TCTN2: variants seen among roughly 807,000 people sequenced by gnomAD.
TCTN2 encodes tectonic family member 2.
In TCTN2, 66 loss-of-function variants were observed where a neutral mutation model predicts 83.4. The observed-to-expected ratio is 0.79, with a 90% CI of 0.65 to 0.97. TCTN2 has a LOEUF of 0.97. Ranked by LOEUF, TCTN2 falls within the 50% of genes least tolerant of loss-of-function variation. TCTN2 has a pLI of 0.00. For synonymous variants in TCTN2, 301 were observed against 326.7 expected (o/e 0.92, Z 0.85); for missense variants, 794 against 858.1 (o/e 0.93, Z 0.93).
rs147228052 is a variant in TCTN2, at chr12:123,699,052, C to T, written c.1506-652C>T. Among the ~76,000 whole-genome samples, 1,035 of 152,186 alleles carry T rather than the reference C, an allele frequency of 6.8e-3. 17 individuals are homozygous for T. Among genetic ancestry groups the T allele is most frequent in the Admixed American group, 0.016 (251 of 15,260 alleles). On this transcript the variant is annotated intron_variant, in intron 13 of 17. Coordinates refer to ENST00000303372, the MANE Select transcript of TCTN2 (RefSeq NM_024809.5). ...TTTACTGTTGGATCACTCTGGCCCA[C>T]GAATGTATCCTGCTAACTTGATGTG...
intron 11 of TCTN2, 32 bp from the exon 12 acceptor site, chr12:123,696,383 C>T (rs1374419236): frequency 6.3e-7 from 1 of 1,577,314 alleles, no homozygotes; most frequent in East Asian, 2.2e-5. Context: ...CTGGAGGAAA[C>T]AGGCTCACGT....
At chr12:123,696,096 G>T (rs186516297) in intron 11 of TCTN2, 10 of 341,026 alleles carry the variant, frequency 2.9e-5, no homozygotes, top group South Asian at 2.3e-4. Context: ...CACCCACCTC[G>T]GCCTCCCAAA....
chr12:123,696,152 A>C, intron 11 of TCTN2: 2 of 429,788 alleles, frequency 4.7e-6, no homozygotes, highest in African/African-American at 2.1e-5. Flanking sequence ...CCGACATGGT[A>C]TTCTTTTTGT....
chr12:123,707,511 T>A (rs1269429613), intron 17 of TCTN2, 93 bp from the exon 18 acceptor site: 42 of 1,214,056 alleles, frequency 3.5e-5, no homozygotes, highest in Middle Eastern at 1.9e-4. Flanking sequence ...GTGTTAGGAT[T>A]ACAGGAGTGA....
chr12:123,672,021 C>CT (rs768665792), intron 2 of TCTN2, 35 bp from the exon 3 acceptor site: 7 of 1,594,130 alleles, frequency 4.4e-6, no homozygotes, highest in Non-Finnish European at 6.0e-6. Context: ...GCTGCTGGAC[C>CT]TTGCTGCCTT....
chr12:123,686,827 G>C lies in TCTN2; in HGVS notation c.565-9G>C. On this transcript the variant is annotated splice_polypyrimidine_tract_variant and intron_variant, in intron 5 of 17. Transcript: ENST00000303372. ...GGTCACAGCTCCTGCCTTTATGTTT[G>C]TCTTCCAGGAATGCTCATCAAATTT... is the stretch of plus-strand genomic sequence containing the variant. 6.2e-7 allele frequency: 1 copy of C among 1,614,154 alleles called. No individual in the cohort carries two copies. Among genetic ancestry groups the C allele is most frequent in the Non-Finnish European group, 8.5e-7 (1 of 1,180,014 alleles).
intron 5 of TCTN2, among the ~76,000 whole-genome samples, chr12:123,685,718 CTTTTT>C (rs3071665): frequency 3.7e-5 from 4 of 109,450 alleles, no homozygotes; most frequent in African/African-American, 3.7e-5. Flanking sequence ...TGCGCCCGGT[CTTTTT>C]TTTTTTTTTT....
intron 15 of TCTN2, among the ~76,000 whole-genome samples, chr12:123,705,053 G>C (rs1465156256): frequency 6.6e-6 from 1 of 151,870 alleles, no homozygotes; most frequent in Non-Finnish European, 1.5e-5. Flanking sequence ...AATCATGGCT[G>C]TCCTACTTAG....
chr12:123,694,052 GAC>G (rs1956078831), intron 9 of TCTN2, among the ~76,000 whole-genome samples: 1 of 150,484 alleles, frequency 6.6e-6, no homozygotes, highest in Admixed American at 6.6e-5. Context: ...GGAGTGTAGT[GAC>G]ACAGTCTCCA....
chr12:123,707,785 C>A lies in TCTN2; in HGVS notation c.*72C>A. The A allele has an allele frequency of 1.7e-6, 2 of 1,150,506 alleles. No individual in the cohort carries two copies. The highest frequency in any genetic ancestry group is 1.3e-6 in the Non-Finnish European group (1 of 763,022). 71.3% of individuals were successfully genotyped at this position (1,150,506 alleles called of 1,614,324 possible). On this transcript the variant is annotated 3_prime_UTR_variant, in exon 18 of 18. Transcript: ENST00000303372. The stretch of plus-strand genomic sequence containing the variant: ...TGCCCAGGCTGAAGTGATCTCGGCT[C>A]ACCACAACCTCCTCCTCTTGGGTTC...
intron 11 of TCTN2, 200 bp downstream of exon 11, chr12:123,695,497 C>T: frequency 2.2e-6 from 1 of 460,680 alleles, no homozygotes; most frequent in South Asian, 2.3e-5. Flanking sequence ...TCTCGGCTCA[C>T]TGCAACCTGC....
Position 123,688,064 on chromosome 12 carries a change from G to A in TCTN2, c.778G>A (p.Asp260Asn), listed in dbSNP as rs1402301223. 9.3e-6 allele frequency: 15 copies of A among 1,614,056 alleles called. No homozygotes were observed. The highest frequency in any genetic ancestry group is 1.2e-5 in the Non-Finnish European group (14 of 1,179,988). Reference sequence around the variant, plus strand: ...ATTGATTTTCAGTTCCCCCAAACAGGACTCTTCCTTTGAAGTATATGTGGA... The same window carrying A: ...ATTGATTTTCAGTTCCCCCAAACAGAACTCTTCCTTTGAAGTATATGTGGA... Reference protein sequence around the residue: ...FYHGAVSPKQDSSFEVYVDTD... With the variant: ...FYHGAVSPKQNSSFEVYVDTD... The change falls in exon 7 of 18, where the codon GAC (aspartate) becomes AAC (asparagine). Residue 260 changes from aspartate to asparagine, a missense_variant. Physicochemically the swap from Asp to Asn is conservative, Grantham distance 23. Coordinates refer to ENST00000303372, the MANE Select transcript of TCTN2 (RefSeq NM_024809.5).
intron 5 of TCTN2, among the ~76,000 whole-genome samples, chr12:123,682,822 C>T (rs1955915961): frequency 6.6e-6 from 1 of 152,056 alleles, no homozygotes; most frequent in Admixed American, 6.6e-5. Context: ...GAGGCACAGA[C>T]ATTTAAAAAT....
At chr12:123,693,903 C>T (rs1288630163) in intron 9 of TCTN2, among the ~76,000 whole-genome samples, 1 of 151,794 alleles carries the variant, frequency 6.6e-6, no homozygotes, top group African/African-American at 2.4e-5. Flanking sequence ...CTGTACCCTC[C>T]ACCTCCCAGG....
intron 5 of TCTN2, among the ~76,000 whole-genome samples, chr12:123,685,352 C>T (rs193225094): frequency 3.7e-4 from 57 of 152,240 alleles, no homozygotes; most frequent in Middle Eastern, 3.4e-3. Context: ...AGATTCAGGA[C>T]GTAATTTAAC....
At chr12:123,671,394 G>A (rs1290045827) in intron 1 of TCTN2, 72 bp downstream of exon 1, 18 of 1,597,846 alleles carry the variant, frequency 1.1e-5, no homozygotes, top group Non-Finnish European at 1.5e-5. Flanking sequence ...GCCAGACTTG[G>A]ACTCCCCCGG....
rs1956029110 is a variant in TCTN2, at chr12:123,690,596, A to C, written c.955A>C (p.Lys319Gln). The C allele has an allele frequency of 1.2e-6, 2 of 1,614,210 alleles. No homozygotes were observed. The highest frequency in any genetic ancestry group is 2.7e-5 in the African/African-American group (2 of 75,058). Residue 319 changes from lysine to glutamine, a missense_variant, in exon 8 of 18, where the codon AAA (lysine) becomes CAA (glutamine). Transcript: ENST00000303372. ...GGCATTTCTTCACAATTTTGATGTT[A>C]AATGCGTTACTAATTTGGAACTATA... is the stretch of plus-strand genomic sequence containing the variant. ...PVAFLHNFDV[K>Q]CVTNLELYQE... is the part of the protein sequence containing the mutation.
intron 4 of TCTN2, among the ~76,000 whole-genome samples, chr12:123,677,252 G>A (rs865875495): frequency 6.6e-5 from 10 of 152,320 alleles, no homozygotes; most frequent in Middle Eastern, 3.4e-3. Context: ...ACCCTTACCC[G>A]TGTAACGTGG....
chr12:123,694,781 C>A, intron 9 of TCTN2, 61 bp from the exon 10 acceptor site: 1 of 1,584,006 alleles, frequency 6.3e-7, no homozygotes, highest in Non-Finnish European at 8.6e-7. Context: ...GAGAACCTCC[C>A]AGTAACAGAG....
Sources: gnomAD v4.1 joint callset for allele counts (sites outside exome capture counted in the v4.1 genomes callset) on GRCh38, gnomAD v4.1.1 for gene constraint, MANE v1.5 for transcripts, NCBI Gene and HGNC (gene_info 2026-07-23, HGNC 2026-07-21) for gene names.